Variants in UQCC1 observed in about 807,000 individuals in gnomAD.
UQCC1 encodes ubiquinol-cytochrome c reductase complex assembly factor 1.
Under a neutral mutation model 48.0 loss-of-function variants are expected in UQCC1, and 38 were observed. The ratio of observed to expected loss-of-function variants is 0.79; its 90% confidence interval spans 0.61 to 1.04. The LOEUF is 1.04. UQCC1 is among the 50% of genes least tolerant of loss of function. The pLI, the probability that UQCC1 is intolerant of heterozygous loss-of-function variation, is 0.00. For synonymous variants in UQCC1, 111 were observed against 129.2 expected, an observed-to-expected ratio of 0.86 and a Z score of 0.95; for missense variants, 368 against 381.8, an observed-to-expected ratio of 0.96 and a Z score of 0.30.
At chr20:35,379,636 TCTCTACTAAAAATACAAAAGTCAGCCA>T in intron 4 of UQCC1, among the ~76,000 whole-genome samples, 1 of 152,052 alleles carries the variant, frequency 6.6e-6, no homozygotes, top group South Asian at 2.1e-4. Context: ...TGAAACCCCA[TCTCTACTAAAAATACAAAAGTCAGCCA>T]GGTGTGGTGG....
chr20:35,365,305 T>C (rs559804260), intron 6 of UQCC1, among the ~76,000 whole-genome samples: 2 of 152,162 alleles, frequency 1.3e-5, no homozygotes, highest in Non-Finnish European at 2.9e-5. Flanking sequence ...AACTATTCCC[T>C]AGTTCCCACA....
At chr20:35,395,981 T>A (rs892548379) in intron 1 of UQCC1, among the ~76,000 whole-genome samples, 20 of 33,764 alleles carry the variant, frequency 5.9e-4, no homozygotes, top group Non-Finnish European at 3.6e-4. Flanking sequence ...TTGCAATGTC[T>A]TTTTTTTTTT....
chr20:35,394,473 G>A (rs1272412230), intron 1 of UQCC1, among the ~76,000 whole-genome samples: 4 of 152,024 alleles, frequency 2.6e-5, no homozygotes, highest in Admixed American at 2.6e-4. Flanking sequence ...CACAGGAGTA[G>A]AGGGTTGGAA....
At position 35,376,713 on chromosome 20, in the gene UQCC1, C is replaced by A. The variant is rs547003177; in HGVS notation, c.334-2457G>T. On this transcript the variant is annotated intron_variant, in intron 4 of 9. Transcript: ENST00000374385. ...GGCGCGGTGGCTCACACCTGTAATC[C>A]CAGCACTTTGAGAGACTGAGGTGGG... Among the ~76,000 whole-genome samples the A allele has an allele frequency of 2.6e-5, 4 of 152,146 alleles. No homozygotes were observed. In the South Asian group the frequency reaches 8.3e-4, roughly 32 times the overall value.
In UQCC1 at chr20:35,384,480, A is replaced by T. The variant is rs190034413; in HGVS notation, c.130-347T>A. Reference sequence around the variant, plus strand: ...ACATAGCAAGACTCTATTTCTACAAATTTTTTTTTAATTGGCTGGGTGTGG... The same window carrying T: ...ACATAGCAAGACTCTATTTCTACAATTTTTTTTTTAATTGGCTGGGTGTGG... On this transcript the variant is annotated intron_variant, in intron 2 of 9. Transcript: ENST00000374385. 1,586 of 324,646 alleles carry T rather than the reference A, an allele frequency of 4.9e-3. 28 individuals are homozygous for T. Among genetic ancestry groups the T allele is most frequent in the African/African-American group, 0.03 (1,360 of 45,750 alleles). 20.1% of individuals were successfully genotyped at this position (324,646 alleles called of 1,614,324 possible). A position where few individuals can be genotyped will look rare whatever the true frequency, so the allele number is the denominator to read the frequency against.
At chr20:35,368,253 C>T (rs977467197) in intron 5 of UQCC1, among the ~76,000 whole-genome samples, 4 of 152,086 alleles carry the variant, frequency 2.6e-5, no homozygotes, top group Admixed American at 6.6e-5. Context: ...ATTAACAGCA[C>T]CAATAATAAA....
At chr20:35,316,025 C>T (rs1244388181) in intron 7 of UQCC1, among the ~76,000 whole-genome samples, 4 of 152,118 alleles carry the variant, frequency 2.6e-5, no homozygotes, top group Admixed American at 6.5e-5. Flanking sequence ...TCGCTGAATG[C>T]CTTCAATAGG....
intron 2 of UQCC1, among the ~76,000 whole-genome samples, chr20:35,390,793 G>A (rs2062004843): frequency 6.6e-6 from 1 of 152,054 alleles, no homozygotes; most frequent in Non-Finnish European, 1.5e-5. Context: ...AAAGTTATAA[G>A]ACCTACTAGC....
intron 1 of UQCC1, among the ~76,000 whole-genome samples, chr20:35,401,202 T>A (rs1028547828): frequency 2.0e-5 from 3 of 152,188 alleles, no homozygotes; most frequent in African/African-American, 4.8e-5. Context: ...TTAATATACA[T>A]TGTTGATTCA....
chr20:35,358,069 G>A (rs1422367638), intron 6 of UQCC1, among the ~76,000 whole-genome samples: 1 of 152,002 alleles, frequency 6.6e-6, no homozygotes, highest in African/African-American at 2.4e-5. Flanking sequence ...CCTTAAGAAT[G>A]CAGGCTGGGC....
intron 2 of UQCC1, among the ~76,000 whole-genome samples, chr20:35,384,833 G>A (rs1313870637): frequency 6.6e-6 from 1 of 151,688 alleles, no homozygotes; most frequent in Non-Finnish European, 1.5e-5. Flanking sequence ...CAGGTGTGGT[G>A]GCACATGCCT....
At chr20:35,364,385 G>A (rs1051773492) in intron 6 of UQCC1, among the ~76,000 whole-genome samples, 11 of 152,146 alleles carry the variant, frequency 7.2e-5, no homozygotes, top group African/African-American at 2.2e-4. Context: ...CTTTATGTCT[G>A]TTTTCCATTA....
chr20:35,315,841 G>A (rs1262192336), intron 7 of UQCC1, among the ~76,000 whole-genome samples: 2 of 152,098 alleles, frequency 1.3e-5, no homozygotes, highest in African/African-American at 2.4e-5. Flanking sequence ...AGCCAGGATC[G>A]CGCCACTGCA....
Position 35,325,363 on chromosome 20 carries a change from C to T in UQCC1, c.574-10598G>A, listed in dbSNP as rs558042159. ...TAAATATTATGTATGTATATTTTACCACAATAAAGGAAATCCCAGTTACAA... is the reference window on the plus strand; with the variant it reads ...TAAATATTATGTATGTATATTTTACTACAATAAAGGAAATCCCAGTTACAA... On this transcript the variant is annotated intron_variant, in intron 7 of 9. Transcript: ENST00000374385. Among the ~76,000 whole-genome samples the T allele has an allele frequency of 2.0e-5, 3 of 152,132 alleles. No homozygotes were observed. In the East Asian group the frequency reaches 5.8e-4, roughly 29 times the overall value.
chr20:35,354,615 C>T (rs1320481876), intron 6 of UQCC1, among the ~76,000 whole-genome samples: 2 of 151,926 alleles, frequency 1.3e-5, no homozygotes, highest in Non-Finnish European at 2.9e-5. Flanking sequence ...CCAGGATGGT[C>T]TCATCTCCTG....
rs552208469 is a variant in UQCC1 at position 35,387,654 on chromosome 20, G to A, written c.130-3521C>T. On this transcript the variant is annotated intron_variant, in intron 2 of 9. Transcript: ENST00000374385. ...TGTTTAGCTTGGAGAAAAGGCAACT[G>A]AAGAACTAAAGAGTAACTCAGAATA... 1.2e-4 allele frequency among the ~76,000 whole-genome samples: 18 copies of A among 152,230 alleles called. No individual in the cohort carries two copies. In the South Asian group the frequency reaches 3.5e-3, roughly 30 times the overall value.
chr20:35,368,225 C>T (rs1208562385), intron 5 of UQCC1, among the ~76,000 whole-genome samples: 3 of 152,072 alleles, frequency 2.0e-5, no homozygotes, highest in East Asian at 1.9e-4. Flanking sequence ...CACATAGGCC[C>T]GGACCCCCAT....
chr20:35,378,523 G>A (rs949212249), intron 4 of UQCC1, among the ~76,000 whole-genome samples: 2 of 152,076 alleles, frequency 1.3e-5, no homozygotes, highest in Non-Finnish European at 2.9e-5. Context: ...CCAGCTACTC[G>A]GGAGGCTGAG....
intron 6 of UQCC1, among the ~76,000 whole-genome samples, chr20:35,363,603 T>G (rs973028480): frequency 2.6e-5 from 4 of 152,170 alleles, no homozygotes; most frequent in African/African-American, 9.7e-5. Flanking sequence ...TTGTCCTTAT[T>G]CTAAGAGTCA....
Sources: gnomAD v4.1 joint callset for allele counts (sites outside exome capture counted in the v4.1 genomes callset) on GRCh38, gnomAD v4.1.1 for gene constraint, MANE v1.5 for transcripts, NCBI Gene and HGNC (gene_info 2026-07-23, HGNC 2026-07-21) for gene names.